Variants in KAZN observed in about 807,000 individuals in gnomAD.
KAZN encodes kazrin, periplakin interacting protein, also known as kazrin.
A neutral mutation model predicts 87.4 loss-of-function variants in KAZN; 40 were observed. The observed-to-expected ratio is 0.46, with a 90% CI of 0.36 to 0.60. The LOEUF (loss-of-function observed/expected upper bound fraction) is 0.60. Among genes scored for constraint, KAZN ranks in the 20% least tolerant of loss-of-function variants. KAZN has a pLI of 0.00. For synonymous variants in KAZN, 466 were observed against 458.3 expected (o/e 1.02, Z -0.22); for missense variants, 898 against 1,073.9 (o/e 0.84, Z 2.29).
intron 1 of KAZN, among the ~76,000 whole-genome samples, chr1:14,892,870 A>G (rs74996783): frequency 6.6e-6 from 1 of 152,182 alleles, no homozygotes; most frequent in Non-Finnish European, 1.5e-5. Flanking sequence ...AGAAGAAAGG[A>G]AAAAAGGAAT....
chr1:14,979,865 A>G lies in KAZN; in HGVS notation c.418+18990A>G, dbSNP rs541971503. On this transcript the variant is annotated intron_variant, in intron 2 of 14. Transcript: ENST00000376030. ...GCTGATTCATAGAGTTTAGAACGGTAAGTACCTATTTATTTTTTATTTTTT... is the reference window on the plus strand; with the variant it reads ...GCTGATTCATAGAGTTTAGAACGGTGAGTACCTATTTATTTTTTATTTTTT... 2.6e-3 allele frequency among the ~76,000 whole-genome samples: 400 copies of G among 152,238 alleles called. 1 individual carries two copies. The highest frequency in any genetic ancestry group is 0.019 in the South Asian group (92 of 4,818).
chr1:14,855,070 T>A (rs917765886), intron 1 of KAZN, among the ~76,000 whole-genome samples: 15 of 151,646 alleles, frequency 9.9e-5, no homozygotes, highest in Middle Eastern at 3.4e-3. Context: ...AGGAGGTGGG[T>A]GGAAGGAGGG....
At position 14,773,579 on chromosome 1, in the gene KAZN, A is replaced by G. The variant is rs1019028827; in HGVS notation, c.226+174356A>G. On this transcript the variant is annotated intron_variant, in intron 1 of 14. Coordinates refer to ENST00000376030, the MANE Select transcript of KAZN (RefSeq NM_201628.3). This position sits in a 1 kb window ranked among gnomAD's most constrained non-coding sequence, Gnocchi z 5.9. ...TGAGATGGTGGAAAAGATGATGTTG[A>G]CTTTCCAGAGCCATAGGGAGTTGGA... Among the ~76,000 whole-genome samples, 3 of 152,118 alleles carry G rather than the reference A, an allele frequency of 2.0e-5. No homozygotes were observed. Among genetic ancestry groups the G allele is most frequent in the Non-Finnish European group, 4.4e-5 (3 of 68,026 alleles).
At chr1:14,466,557 C>T (rs1668142504) in intron 2 of KAZN, among the ~76,000 whole-genome samples, 1 of 151,674 alleles carries the variant, frequency 6.6e-6, no homozygotes, top group Non-Finnish European at 1.5e-5. Context: ...GGCTTGACAC[C>T]TAGGTGATGG....
intron 1 of KAZN, among the ~76,000 whole-genome samples, chr1:13,928,194 A>G (rs2100925083): frequency 6.6e-6 from 1 of 152,338 alleles, no homozygotes; most frequent in Middle Eastern, 3.4e-3. Context: ...AAAATGTGCC[A>G]TACCTGGGGT....
chr1:14,713,880 C>A (rs1642636949), intron 1 of KAZN, among the ~76,000 whole-genome samples: 1 of 151,766 alleles, frequency 6.6e-6, no homozygotes, highest in African/African-American at 2.4e-5. Flanking sequence ...CGCTTGAGCC[C>A]AGGAGATGGA....
Position 14,937,913 on chromosome 1 carries a change from C to T in KAZN, c.227-22771C>T, listed in dbSNP as rs568060026. On this transcript the variant is annotated intron_variant, in intron 1 of 14. Transcript: ENST00000376030. ...ACCTTCTCACAGCAGAGCAGGCATG[C>T]ATGGCCCAGGAAGGTAGGAATTTAG... Among the ~76,000 whole-genome samples the T allele has an allele frequency of 3.9e-5, 6 of 152,360 alleles. No individual in the cohort carries two copies. In the South Asian group the frequency reaches 1.2e-3, roughly 32 times the overall value.
chr1:15,077,447 C>G lies in KAZN; in HGVS notation c.1222+11694C>G, dbSNP rs972936055. Among the ~76,000 whole-genome samples, 7 of 152,296 alleles carry G rather than the reference C, an allele frequency of 4.6e-5. No individual in the cohort carries two copies. The highest frequency in any genetic ancestry group is 2.1e-4 in the South Asian group (1 of 4,822). On this transcript the variant is annotated intron_variant, in intron 8 of 14. Transcript: ENST00000376030. The surrounding 1 kb of genome is among the most constrained non-coding windows in gnomAD (Gnocchi z 4.8). The stretch of plus-strand genomic sequence containing the variant: ...GTTTCTCAACCCAGAGAAGTGTTCC[C>G]AAGACTTAGAGTGTTTGGGGAGTGG...
At chr1:14,082,934 G>A (rs958646420) in intron 1 of KAZN, among the ~76,000 whole-genome samples, 5 of 152,162 alleles carry the variant, frequency 3.3e-5, no homozygotes, top group Admixed American at 6.5e-5. Context: ...GGTGGCTCAC[G>A]CCTGTAATCC....
intron 1 of KAZN, among the ~76,000 whole-genome samples, chr1:14,611,525 A>G (rs1022203258): frequency 6.6e-6 from 1 of 152,068 alleles, no homozygotes; most frequent in East Asian, 1.9e-4. Context: ...TATCTCTACA[A>G]AAATCTTAAA....
chr1:14,166,001 G>A (rs1243312724), intron 1 of KAZN, among the ~76,000 whole-genome samples: 4 of 152,044 alleles, frequency 2.6e-5, no homozygotes, highest in Admixed American at 6.6e-5. Context: ...GCGTAAGGCC[G>A]GAAAGGGGCC....
intron 2 of KAZN, among the ~76,000 whole-genome samples, chr1:14,242,284 T>C (rs952537846): frequency 7.9e-5 from 12 of 152,180 alleles, no homozygotes; most frequent in Non-Finnish European, 1.3e-4. Context: ...CGAAAGATTA[T>C]AATGAACAGA....
intron 1 of KAZN, among the ~76,000 whole-genome samples, chr1:14,884,652 G>T (rs1425448755): frequency 6.6e-6 from 1 of 152,230 alleles, no homozygotes; most frequent in Non-Finnish European, 1.5e-5. Context: ...GAAATCACAT[G>T]AGGAGCTTGT....
intron 1 of KAZN, among the ~76,000 whole-genome samples, chr1:13,938,850 T>C (rs1000781248): frequency 1.3e-5 from 2 of 152,250 alleles, no homozygotes; most frequent in Admixed American, 1.3e-4. Flanking sequence ...CCAAGGCCTA[T>C]GGTTTGCACC....
At chr1:14,202,391 C>G (rs1646657444) in intron 2 of KAZN, among the ~76,000 whole-genome samples, 1 of 152,186 alleles carries the variant, frequency 6.6e-6, no homozygotes, top group Non-Finnish European at 1.5e-5. Context: ...ACAGCATTAC[C>G]AACCTGGTCT....
At chr1:14,434,098 C>A (rs2149503) in intron 2 of KAZN, among the ~76,000 whole-genome samples, 1 of 152,046 alleles carries the variant, frequency 6.6e-6, no homozygotes, top group Non-Finnish European at 1.5e-5. Context: ...TGTGGCTGCC[C>A]AAATAGATGC....
chr1:13,898,281 C>G (rs755178192), intron 1 of KAZN, among the ~76,000 whole-genome samples: 13 of 152,204 alleles, frequency 8.5e-5, no homozygotes, highest in Non-Finnish European at 1.3e-4. Flanking sequence ...CCCTCTACCC[C>G]CTGACCTGGC....
intron 1 of KAZN, among the ~76,000 whole-genome samples, chr1:14,041,048 G>C (rs4662085): frequency 0.61 from 93,145 of 151,490 alleles, 29,946 homozygotes; most frequent in African/African-American, 0.8. Context: ...TGCCCCATTC[G>C]CTTGGCAGCT....
chr1:15,014,662 C>G (rs144473661), intron 2 of KAZN, among the ~76,000 whole-genome samples: 1 of 152,154 alleles, frequency 6.6e-6, no homozygotes, highest in Non-Finnish European at 1.5e-5. Context: ...AGAAAGCCTT[C>G]CTCCCGGGAA....
Sources: allele counts gnomAD v4.1 joint callset (sites outside exome capture counted in the v4.1 genomes callset), GRCh38; gene constraint gnomAD v4.1.1; non-coding constraint Gnocchi (gnomAD v3.1); transcripts MANE v1.5; gene names NCBI Gene and HGNC (gene_info 2026-07-23, HGNC 2026-07-21).